Variants in TAFA1 observed in about 807,000 individuals in gnomAD.
TAFA1 encodes chemokine-like protein TAFA-1.
Under a neutral mutation model 18.5 loss-of-function variants are expected in TAFA1, and 4 were observed. That is an observed-to-expected ratio of 0.22 (90% CI 0.11 to 0.49). The LOEUF (loss-of-function observed/expected upper bound fraction) is 0.49, where lower values mean the gene tolerates loss of function less well. TAFA1 is among the 20% of genes least tolerant of loss of function. The pLI is 0.98. For synonymous variants in TAFA1, 56 were observed against 55.2 expected (o/e 1.01, Z -0.06); for missense variants, 147 against 169.0 (o/e 0.87, Z 0.72).
chr3:68,293,219 A>C (rs1238758648), intron 2 of TAFA1, among the ~76,000 whole-genome samples: 2 of 152,200 alleles, frequency 1.3e-5, no homozygotes, highest in Non-Finnish European at 2.9e-5. Flanking sequence ...ATATGCTGGC[A>C]GCATGTTGAA....
chr3:68,043,046 G>A (rs868538391), intron 2 of TAFA1, among the ~76,000 whole-genome samples: 4 of 152,062 alleles, frequency 2.6e-5, no homozygotes, highest in East Asian at 1.9e-4. Context: ...CACCATGCTC[G>A]GCTAATTTTT....
At chr3:67,996,066 A>C in the TAFA1 span, among the ~76,000 whole-genome samples, 1 of 152,226 alleles carries the variant, frequency 6.6e-6, no homozygotes, top group Non-Finnish European at 1.5e-5. Flanking sequence ...AGCACATTAA[A>C]GGCCTTAAAT....
At chr3:68,314,596 A>G (rs1015338337) in intron 2 of TAFA1, among the ~76,000 whole-genome samples, 2 of 152,314 alleles carry the variant, frequency 1.3e-5, no homozygotes, top group African/African-American at 4.8e-5. Context: ...CACATACGCA[A>G]TATCATGATT....
chr3:68,499,105 T>A lies in TAFA1; in HGVS notation c.260-39651T>A, dbSNP rs185172533. Among the ~76,000 whole-genome samples, 201 of 152,254 alleles carry A rather than the reference T, an allele frequency of 1.3e-3. 1 individual carries two copies. The highest frequency in any genetic ancestry group is 0.012 in the Admixed American group (188 of 15,280). ...ATCATCAAAGAGATACGATTTTTCC[T>A]TACTCTTTTAAAGCAGCCTAGGTAT... On this transcript the variant is annotated intron_variant, in intron 3 of 4. Coordinates refer to ENST00000478136, the MANE Select transcript of TAFA1 (RefSeq NM_213609.4).
At chr3:68,163,623 C>G (rs1387235198) in intron 2 of TAFA1, among the ~76,000 whole-genome samples, 1 of 152,178 alleles carries the variant, frequency 6.6e-6, no homozygotes, top group African/African-American at 2.4e-5. Flanking sequence ...ATAATTCACC[C>G]TGGACTGAAA....
chr3:68,314,146 CCTATGGTAGTCTATG>C (rs2068567059), intron 2 of TAFA1, among the ~76,000 whole-genome samples: 1 of 152,104 alleles, frequency 6.6e-6, no homozygotes, highest in African/African-American at 2.4e-5. Flanking sequence ...TGTTGTTTTT[CCTATGGTAGTCTATG>C]AAAAATCTTT....
At chr3:68,390,259 C>T (rs570171533) in intron 2 of TAFA1, among the ~76,000 whole-genome samples, 2 of 152,144 alleles carry the variant, frequency 1.3e-5, no homozygotes, top group African/African-American at 4.8e-5. Flanking sequence ...CTGGGCAGAG[C>T]TCACCACAGA....
At chr3:68,003,411 T>A (rs982101560), upstream of TAFA1, among the ~76,000 whole-genome samples, 2 of 152,218 alleles carry the variant, frequency 1.3e-5, no homozygotes, top group African/African-American at 4.8e-5. Flanking sequence ...GATTAGACAG[T>A]ATCATCTATA....
chr3:68,450,163 C>A (rs1190862543), intron 3 of TAFA1, among the ~76,000 whole-genome samples: 1 of 152,088 alleles, frequency 6.6e-6, no homozygotes, highest in Non-Finnish European at 1.5e-5. Context: ...GACAATATAA[C>A]CATGGGATTC....
chr3:68,331,726 G>T (rs1005985167), intron 2 of TAFA1, among the ~76,000 whole-genome samples: 4 of 152,134 alleles, frequency 2.6e-5, no homozygotes, highest in Admixed American at 1.3e-4. Context: ...AGAGCTACAG[G>T]TGTAAAACAG....
At position 68,483,816 on chromosome 3, in the gene TAFA1, G is replaced by C. The variant is rs985761416; in HGVS notation, c.260-54940G>C. 2.0e-5 allele frequency among the ~76,000 whole-genome samples: 3 copies of C among 152,196 alleles called. No homozygotes were observed. In the East Asian group the frequency reaches 5.8e-4, roughly 29 times the overall value. ...TTCACATGTTTAAAAAACAGGCAAA[G>C]GGCCAGTGTCACTGGAGCCCGAAGT... On this transcript the variant is annotated intron_variant, in intron 3 of 4. Coordinates refer to ENST00000478136, the MANE Select transcript of TAFA1 (RefSeq NM_213609.4).
At chr3:68,259,365 A>C (rs1238084214) in intron 2 of TAFA1, among the ~76,000 whole-genome samples, 1 of 152,176 alleles carries the variant, frequency 6.6e-6, no homozygotes, top group South Asian at 2.1e-4. Context: ...TTCACAAGAC[A>C]TTGATAGAAA....
At chr3:68,331,163 T>C (rs2068861702) in intron 2 of TAFA1, among the ~76,000 whole-genome samples, 1 of 152,216 alleles carries the variant, frequency 6.6e-6, no homozygotes, top group Non-Finnish European at 1.5e-5. Flanking sequence ...AAATTCATGA[T>C]GCTAACTGAA....
At chr3:68,255,130 C>A (rs1192534191) in intron 2 of TAFA1, among the ~76,000 whole-genome samples, 1 of 152,130 alleles carries the variant, frequency 6.6e-6, no homozygotes, top group African/African-American at 2.4e-5. Context: ...GAAGAGTATT[C>A]ATTCATCTTT....
chr3:68,458,554 A>C (rs2106915461), intron 3 of TAFA1, among the ~76,000 whole-genome samples: 1 of 152,282 alleles, frequency 6.6e-6, no homozygotes, highest in East Asian at 1.9e-4. Flanking sequence ...AAAGTCATCA[A>C]CTCAGAATCC....
chr3:68,332,627 A>G (rs1026649649), intron 2 of TAFA1, among the ~76,000 whole-genome samples: 1 of 152,236 alleles, frequency 6.6e-6, no homozygotes, highest in Admixed American at 6.5e-5. Flanking sequence ...CCTAAAGAAG[A>G]CATGCATATT....
chr3:68,377,322 A>G (rs1207403223), intron 2 of TAFA1, among the ~76,000 whole-genome samples: 1 of 152,184 alleles, frequency 6.6e-6, no homozygotes, highest in Admixed American at 6.5e-5. Context: ...AAATGCTGAT[A>G]CTGATGTGGA....
chr3:68,467,463 AATT>A (rs1359878715), intron 3 of TAFA1, among the ~76,000 whole-genome samples: 2 of 152,162 alleles, frequency 1.3e-5, no homozygotes, highest in East Asian at 3.8e-4. Context: ...TTAAAGAAGA[AATT>A]ATTCAATGAT....
At chr3:68,201,515 C>G (rs892043260) in intron 2 of TAFA1, among the ~76,000 whole-genome samples, 1 of 151,684 alleles carries the variant, frequency 6.6e-6, no homozygotes, top group East Asian at 1.9e-4. Context: ...TCATCTATTT[C>G]TCTTTGCAGT....
Sources: allele counts gnomAD v4.1 joint callset (sites outside exome capture counted in the v4.1 genomes callset), GRCh38; gene constraint gnomAD v4.1.1; transcripts MANE v1.5; gene names NCBI Gene and HGNC (gene_info 2026-07-23, HGNC 2026-07-21).